The following DMD variants were observed in gnomAD, a reference collection of about 807,000 sequenced individuals.
DMD encodes the protein dystrophin.
DMD carries 63 observed loss-of-function variants against 330.1 expected under a neutral mutation model. The ratio of observed to expected loss-of-function variants is 0.19; its 90% CI spans 0.16 to 0.24. The LOEUF (loss-of-function observed/expected upper bound fraction) is 0.24, where lower values mean the gene tolerates loss of function less well. DMD is among the 10% of genes least tolerant of loss of function. DMD has a pLI of 1.00. For missense variants in DMD, 3,344 were observed against 2,684.1 expected (o/e 1.25, Z -5.43); for synonymous variants, 1,223 against 959.8 (o/e 1.27, Z -5.07).
intron 44 of DMD, among the ~76,000 whole-genome samples, chrX:32,182,140 C>T (rs889435244): frequency 9.0e-6 from 1 of 111,633 alleles, no homozygotes; most frequent in Non-Finnish European, 1.9e-5. Context: ...CCATTATGCT[C>T]CCTCTCTTGT....
chrX:32,451,165 A>AAC (rs1038533728), intron 26 of DMD, among the ~76,000 whole-genome samples: 2 of 110,606 alleles, frequency 1.8e-5, no homozygotes, highest in African/African-American at 6.6e-5. Context: ...ATCAAACTCA[A>AAC]ACTTGTTAAA....
At chrX:32,500,444 A>T (rs1169426209) in intron 19 of DMD, among the ~76,000 whole-genome samples, 2 of 111,816 alleles carry the variant, frequency 1.8e-5, no homozygotes, top group Non-Finnish European at 3.8e-5. Flanking sequence ...TAATTTCTAA[A>T]TGTTTAAATT....
chrX:32,117,362 G>T (rs914529989), intron 44 of DMD, among the ~76,000 whole-genome samples: 4 of 111,657 alleles, frequency 3.6e-5, no homozygotes, highest in African/African-American at 1.3e-4. Context: ...GAGAATAGAA[G>T]TTCATTTGAT....
chrX:31,294,478 C>T (rs1603308336), intron 62 of DMD, among the ~76,000 whole-genome samples: 1 of 112,203 alleles, frequency 8.9e-6, no homozygotes, highest in South Asian at 3.7e-4. Flanking sequence ...GTTTTCTAGA[C>T]CAGTTTAGCC....
intron 1 of DMD, among the ~76,000 whole-genome samples, chrX:33,095,328 C>T (rs1420565145): frequency 8.9e-6 from 1 of 112,538 alleles, no homozygotes; most frequent in Non-Finnish European, 1.9e-5. Context: ...AAATAGCGAA[C>T]AACATAAATG....
chrX:32,292,688 A>G (rs372499805), intron 42 of DMD, among the ~76,000 whole-genome samples: 1 of 111,890 alleles, frequency 8.9e-6, no homozygotes, highest in East Asian at 2.8e-4. Context: ...TTTCCAGATG[A>G]CGGGCTCTGA....
chrX:32,777,634 T>C (rs2148510438), intron 7 of DMD, among the ~76,000 whole-genome samples: 1 of 111,655 alleles, frequency 9.0e-6, no homozygotes, highest in South Asian at 3.8e-4. Context: ...TTTTAACAGA[T>C]TACTCCTTTC....
At chrX:31,622,137 G>GCAAAATTACAGTAGAGA (rs1269355926) in intron 55 of DMD, among the ~76,000 whole-genome samples, 8 of 111,586 alleles carry the variant, frequency 7.2e-5, no homozygotes, top group Non-Finnish European at 1.3e-4. Context: ...GCTAGACCCT[G>GCAAAATTACAGTAGAGA]TCCAGCTCTC....
At chrX:31,611,936 A>C (rs1475489342) in intron 55 of DMD, among the ~76,000 whole-genome samples, 1 of 111,484 alleles carries the variant, frequency 9.0e-6, no homozygotes, top group East Asian at 2.8e-4. Context: ...ATTTTGATAT[A>C]GGCCTACAAT....
intron 60 of DMD, among the ~76,000 whole-genome samples, chrX:31,368,303 T>C (rs1408502820): frequency 8.9e-6 from 1 of 112,615 alleles, no homozygotes; most frequent in Non-Finnish European, 1.9e-5. Flanking sequence ...TGTTTCCTTT[T>C]TGTATTTATA....
chrX:32,142,940 T>C (rs1216103252), intron 44 of DMD, among the ~76,000 whole-genome samples: 1 of 111,710 alleles, frequency 9.0e-6, no homozygotes, highest in Non-Finnish European at 1.9e-5. Flanking sequence ...ATTCCACAAA[T>C]CACCCTTCAC....
chrX:31,893,230 A>C (rs755847285), intron 47 of DMD, among the ~76,000 whole-genome samples: 3 of 112,100 alleles, frequency 2.7e-5, no homozygotes, highest in South Asian at 7.5e-4. Context: ...CAAGCGTATG[A>C]AGGAGCATCA....
intron 7 of DMD, among the ~76,000 whole-genome samples, chrX:32,739,301 T>G (rs190378183): frequency 8.9e-6 from 1 of 111,914 alleles, no homozygotes; most frequent in African/African-American, 3.2e-5. Flanking sequence ...TGATTTAAAT[T>G]TAGAACATGT....
chrX:31,337,716 T>C (rs1263742825), intron 61 of DMD, among the ~76,000 whole-genome samples: 1 of 111,940 alleles, frequency 8.9e-6, no homozygotes, highest in Non-Finnish European at 1.9e-5. Context: ...ATAGTGCCCA[T>C]GTTATAAAAC....
chrX:31,652,047 T>C (rs2080485425), intron 54 of DMD, among the ~76,000 whole-genome samples: 1 of 112,169 alleles, frequency 8.9e-6, no homozygotes, highest in South Asian at 3.7e-4. Context: ...CCTGCTCGCT[T>C]GATCCTTTTC....
chrX:31,203,839 C>A, intron 67 of DMD, 122 bp downstream of exon 67: 1 of 618,989 alleles, frequency 1.6e-6, no homozygotes, highest in East Asian at 3.6e-5. Context: ...TCCAAATATC[C>A]CAAATCCCAT....
chrX:31,653,725 C>A, intron 54 of DMD, among the ~76,000 whole-genome samples: 1 of 111,459 alleles, frequency 9.0e-6, no homozygotes, highest in Non-Finnish European at 1.9e-5. Flanking sequence ...AATATCACAT[C>A]TAATATTATC....
intron 1 of DMD, among the ~76,000 whole-genome samples, chrX:33,031,495 G>A (rs2094113191): frequency 9.0e-6 from 1 of 110,940 alleles, no homozygotes. Flanking sequence ...CTCATAGGCC[G>A]GGTGCAGTCT....
At chrX:32,595,322 C>T (rs2055395105) in intron 13 of DMD, among the ~76,000 whole-genome samples, 1 of 111,491 alleles carries the variant, frequency 9.0e-6, no homozygotes, top group Admixed American at 9.6e-5. Flanking sequence ...TTTCAAGATG[C>T]CTTAACCACA....
Sources: gnomAD v4.1 joint callset for allele counts (sites outside exome capture counted in the v4.1 genomes callset) on GRCh38, gnomAD v4.1.1 for gene constraint, MANE v1.5 for transcripts, NCBI Gene and HGNC (gene_info 2026-07-23, HGNC 2026-07-21) for gene names.